The following SRGAP1 variants were observed in gnomAD, a reference collection of about 807,000 sequenced individuals.
SRGAP1 encodes the protein SLIT-ROBO Rho GTPase-activating protein 1.
In SRGAP1, 43 loss-of-function variants were observed where a neutral mutation model predicts 121.9. The ratio of observed to expected loss-of-function variants is 0.35; its 90% CI spans 0.28 to 0.46. The LOEUF is 0.46. Among genes scored for constraint, SRGAP1 ranks in the 20% least tolerant of loss-of-function variants. The probability of loss-of-function intolerance (pLI) is 1.00; values close to 1 mark genes in which losing one functional copy is unlikely to be tolerated. For missense variants in SRGAP1, 1,102 were observed against 1,350.9 expected, an observed-to-expected ratio of 0.82 and a Z score of 2.89; for synonymous variants, 447 against 485.4, an observed-to-expected ratio of 0.92 and a Z score of 1.04.
chr12:64,137,982 A>ATATAT (rs1491451662), intron 21 of SRGAP1, among the ~76,000 whole-genome samples: 1 of 108,978 alleles, frequency 9.2e-6, no homozygotes. Flanking sequence ...ATATATATAT[A>ATATAT]AAAAATAATA....
At chr12:64,101,308 G>GGGGT (rs1555174257) in intron 15 of SRGAP1, among the ~76,000 whole-genome samples, 2 of 138,010 alleles carry the variant, frequency 1.4e-5, no homozygotes, top group Non-Finnish European at 3.1e-5. Context: ...TGGGGAAAGG[G>GGGGT]GTGTGTGTGT....
At chr12:64,032,525 A>G (rs1328665665) in intron 4 of SRGAP1, 10 of 1,213,780 alleles carry the variant, frequency 8.2e-6, no homozygotes, top group East Asian at 2.4e-5. Context: ...GGCCTGGGCC[A>G]GCACAGAGTG....
At chr12:63,940,846 C>T (rs1427435748) in intron 1 of SRGAP1, among the ~76,000 whole-genome samples, 1 of 152,212 alleles carries the variant, frequency 6.6e-6, no homozygotes, top group Non-Finnish European at 1.5e-5. Context: ...GTGGCATCTC[C>T]TATGAATTAT....
At chr12:64,025,247 C>T (rs17100013) in intron 4 of SRGAP1, among the ~76,000 whole-genome samples, 5,979 of 151,790 alleles carry the variant, frequency 0.039, 402 homozygotes, top group African/African-American at 0.14. Context: ...CCGAGGACTG[C>T]GGAGGGAAAC....
chr12:63,948,091 G>C (rs1240954632), intron 1 of SRGAP1, among the ~76,000 whole-genome samples: 1 of 151,818 alleles, frequency 6.6e-6, no homozygotes, highest in African/African-American at 2.4e-5. Flanking sequence ...AGCAATATAA[G>C]GAATTATGTC....
intron 1 of SRGAP1, among the ~76,000 whole-genome samples, chr12:63,944,081 G>T (rs770639952): frequency 1.3e-5 from 2 of 152,128 alleles, no homozygotes; most frequent in Admixed American, 6.6e-5. Flanking sequence ...GTCTCATTTG[G>T]TAATGGCCAG....
At chr12:64,080,085 A>G (rs1310158381) in intron 9 of SRGAP1, among the ~76,000 whole-genome samples, 1 of 152,076 alleles carries the variant, frequency 6.6e-6, no homozygotes, top group Non-Finnish European at 1.5e-5. Flanking sequence ...TCTACTAAAA[A>G]TAGAAAAATT....
intron 6 of SRGAP1, among the ~76,000 whole-genome samples, chr12:64,061,989 C>A (rs1268416320): frequency 6.6e-6 from 1 of 151,432 alleles, no homozygotes; most frequent in African/African-American, 2.4e-5. Context: ...CTGCTATAAA[C>A]ATTTGTGTGC....
At chr12:64,061,984 A>G (rs2035458278) in intron 6 of SRGAP1, among the ~76,000 whole-genome samples, 3 of 152,206 alleles carry the variant, frequency 2.0e-5, no homozygotes, top group South Asian at 4.1e-4. Context: ...TAATACTGCT[A>G]TAAACATTTG....
chr12:63,878,213 G>A (rs1394729728), intron 1 of SRGAP1, among the ~76,000 whole-genome samples: 3 of 152,184 alleles, frequency 2.0e-5, no homozygotes, highest in African/African-American at 7.2e-5. Context: ...TATAAAGCAA[G>A]AGTCAGCAAA....
chr12:64,138,959 A>G (rs1033847374), intron 21 of SRGAP1, among the ~76,000 whole-genome samples: 5 of 152,212 alleles, frequency 3.3e-5, no homozygotes, highest in Non-Finnish European at 5.9e-5. Flanking sequence ...ATAACTTTCT[A>G]AAACAATAAC....
At chr12:63,997,112 G>A (rs1227895446) in intron 3 of SRGAP1, among the ~76,000 whole-genome samples, 1 of 151,968 alleles carries the variant, frequency 6.6e-6, no homozygotes, top group Non-Finnish European at 1.5e-5. Context: ...AATTCTGAAG[G>A]CAACTGTAAC....
intron 3 of SRGAP1, among the ~76,000 whole-genome samples, chr12:63,991,917 T>C (rs371892209): frequency 1.3e-4 from 20 of 152,310 alleles, no homozygotes; most frequent in African/African-American, 4.6e-4. Flanking sequence ...CTCATTACAG[T>C]AATTAACAGT....
At chr12:64,008,259 A>G (rs958379003) in intron 3 of SRGAP1, among the ~76,000 whole-genome samples, 3 of 152,214 alleles carry the variant, frequency 2.0e-5, no homozygotes, top group Non-Finnish European at 2.9e-5. Flanking sequence ...AGTGCCTGTC[A>G]TCCCATGTGC....
intron 1 of SRGAP1, among the ~76,000 whole-genome samples, chr12:63,884,862 G>A (rs949038903): frequency 9.2e-5 from 14 of 151,642 alleles, no homozygotes; most frequent in African/African-American, 1.5e-4. Flanking sequence ...TGGGACTACA[G>A]GCGCCCGCCA....
At chr12:63,891,323 AAG>A (rs1012703937) in intron 1 of SRGAP1, among the ~76,000 whole-genome samples, 6 of 152,220 alleles carry the variant, frequency 3.9e-5, no homozygotes, top group Non-Finnish European at 8.8e-5. Flanking sequence ...CTTATTCTGC[AAG>A]AGAGAGACCT....
At chr12:63,948,714 A>G (rs2032131610) in intron 1 of SRGAP1, among the ~76,000 whole-genome samples, 1 of 150,882 alleles carries the variant, frequency 6.6e-6, no homozygotes, top group Non-Finnish European at 1.5e-5. Flanking sequence ...TTGTGTTTAC[A>G]GAAGGAATAG....
At chr12:64,031,108 A>C (rs1477324382) in intron 4 of SRGAP1, among the ~76,000 whole-genome samples, 1 of 152,132 alleles carries the variant, frequency 6.6e-6, no homozygotes, top group Admixed American at 6.5e-5. Context: ...ACTTGAGGTC[A>C]GGAGTCCAAG....
chr12:64,007,098 C>G (rs756840257), intron 3 of SRGAP1, among the ~76,000 whole-genome samples: 10 of 152,114 alleles, frequency 6.6e-5, no homozygotes, highest in Non-Finnish European at 1.2e-4. Context: ...CTCCCAAGAT[C>G]TTAGCTTCAA....
Sources: allele counts gnomAD v4.1 joint callset (sites outside exome capture counted in the v4.1 genomes callset), GRCh38; gene constraint gnomAD v4.1.1; transcripts MANE v1.5; gene names NCBI Gene and HGNC (gene_info 2026-07-23, HGNC 2026-07-21).